Variants in UAP1 observed in about 807,000 individuals in gnomAD.
UAP1 encodes the protein UDP-N-acetylhexosamine pyrophosphorylase.
UAP1 carries 25 observed loss-of-function variants against 58.5 expected under a neutral mutation model. That is an observed-to-expected ratio of 0.43 (90% CI 0.31 to 0.60). The LOEUF (loss-of-function observed/expected upper bound fraction) is 0.60, where lower values mean the gene tolerates loss of function less well. Among genes scored for constraint, UAP1 ranks in the 20% least tolerant of loss-of-function variants. The pLI is 0.11. For synonymous variants in UAP1, 208 were observed against 213.0 expected (o/e 0.98, Z 0.21); for missense variants, 575 against 630.0 (o/e 0.91, Z 0.93).
At chr1:162,577,941 TTC>T (rs1416502681) in intron 3 of UAP1, among the ~76,000 whole-genome samples, 37 of 151,606 alleles carry the variant, frequency 2.4e-4, no homozygotes, top group African/African-American at 9.0e-4. Flanking sequence ...AGAGACAGGG[TTC>T]TGGTCTCAAA....
rs758345601 is a variant in UAP1 at position 162,587,611 on chromosome 1, A to G, written c.971A>G (p.Asn324Ser). ...AGCTCAGACGGACGACTGCTGTTCA[A>G]TGCGGGGAACATTGCCAACCATTTC... The change falls in exon 6 of 11, where the codon AAT becomes AGT. Residue 324 changes from asparagine (N) to serine (S), a missense_variant. Transcript: ENST00000271469. 2.6e-5 allele frequency: 42 copies of G among 1,614,024 alleles called. No individual in the cohort carries two copies. The East Asian group carries it at 2.7e-4, about 10-fold the overall frequency.
At chr1:162,587,765 C>G in intron 6 of UAP1, 97 bp downstream of exon 6, 1 of 1,151,832 alleles carries the variant, frequency 8.7e-7, no homozygotes, top group South Asian at 1.6e-5. Flanking sequence ...CCATATCCCA[C>G]AGAATTCATC....
exon 4 of UAP1, chr1:162,579,490 A>C: frequency 6.2e-7 from 1 of 1,612,138 alleles, no homozygotes; most frequent in South Asian, 1.1e-5. Flanking sequence ...AAGCACAAGT[A>C]CTTTGGTTTA....
At chr1:162,591,652 A>G (rs1655317015) in intron 8 of UAP1, among the ~76,000 whole-genome samples, 1 of 151,974 alleles carries the variant, frequency 6.6e-6, no homozygotes, top group Admixed American at 6.6e-5. Flanking sequence ...AGCCCAGCTA[A>G]TTTTTGTATT....
chr1:162,577,680 C>T (rs758108618), intron 3 of UAP1, among the ~76,000 whole-genome samples: 13 of 151,492 alleles, frequency 8.6e-5, no homozygotes, highest in Non-Finnish European at 1.5e-4. Flanking sequence ...GGCGCGATTT[C>T]GGCCCACTGC....
intron 9 of UAP1, among the ~76,000 whole-genome samples, chr1:162,595,115 T>C (rs1180142061): frequency 6.6e-6 from 1 of 152,238 alleles, no homozygotes; most frequent in African/African-American, 2.4e-5. Context: ...GGCTAAAGAA[T>C]TGTGGGGCAG....
chr1:162,563,347 A>G (rs1433122167), intron 1 of UAP1, among the ~76,000 whole-genome samples: 1 of 152,070 alleles, frequency 6.6e-6, no homozygotes, highest in Non-Finnish European at 1.5e-5. Context: ...AGTTTAACCT[A>G]TGAGGTACCC....
chr1:162,599,370 T>C (rs763677417), exon 11 of UAP1: 75 of 1,597,182 alleles, frequency 4.7e-5, no homozygotes, highest in Non-Finnish European at 6.3e-5. Flanking sequence ...TTGAACCAGA[T>C]ACCAAGTTTT....
intron 5 of UAP1, among the ~76,000 whole-genome samples, chr1:162,582,745 G>T (rs890549012): frequency 6.6e-6 from 1 of 152,160 alleles, no homozygotes. Flanking sequence ...AAATTATTTT[G>T]AAATATCTGT....
At chr1:162,565,937 A>G in intron 1 of UAP1, 75 bp from the exon 2 acceptor site, 1 of 910,340 alleles carries the variant, frequency 1.1e-6, no homozygotes. Flanking sequence ...AAATATTCTT[A>G]TTTTTAGAGG....
chr1:162,582,310 G>A (rs1397115189), intron 5 of UAP1, among the ~76,000 whole-genome samples: 1 of 152,070 alleles, frequency 6.6e-6, no homozygotes, highest in Non-Finnish European at 1.5e-5. Flanking sequence ...CCAGGAAAAT[G>A]TTGAAAAAGG....
In UAP1 at chr1:162,573,270, A is replaced by G. The variant is rs550269845; in HGVS notation, c.281-3507A>G. ...TTTAGGATGGTGGGTAAGACAGACT[A>G]AAAAAAAAAGGCAGCACAACCTCTG... On this transcript the variant is annotated intron_variant, in intron 2 of 10. Transcript: ENST00000271469. 9.5e-5 allele frequency among the ~76,000 whole-genome samples: 14 copies of G among 147,020 alleles called. No individual in the cohort carries two copies. In the South Asian group the frequency reaches 1.7e-3, roughly 18 times the overall value.
chr1:162,577,432 TC>T (rs1654260373), intron 3 of UAP1, among the ~76,000 whole-genome samples: 4 of 139,408 alleles, frequency 2.9e-5, no homozygotes, highest in Non-Finnish European at 4.6e-5. Flanking sequence ...GTTAGTTCCT[TC>T]CCTTTTTTTT....
At chr1:162,586,029 AC>A (rs889123388) in intron 5 of UAP1, among the ~76,000 whole-genome samples, 17 of 152,164 alleles carry the variant, frequency 1.1e-4, no homozygotes, top group African/African-American at 4.1e-4. Flanking sequence ...CAAACAGTGA[AC>A]CACACAACAG....
At chr1:162,593,192 TC>T (rs1379903307) in intron 9 of UAP1, 1 of 174,984 alleles carries the variant, frequency 5.7e-6, no homozygotes, top group African/African-American at 2.4e-5. Context: ...GGCTGATTGT[TC>T]CTGTCATATT....
intron 7 of UAP1, among the ~76,000 whole-genome samples, 185 bp from the exon 8 acceptor site, chr1:162,590,138 T>C (rs1407009608): frequency 1.3e-5 from 2 of 152,052 alleles, no homozygotes; most frequent in African/African-American, 4.8e-5. Flanking sequence ...GGAAATGATT[T>C]CTCATTTTGC....
chr1:162,600,252 T>C (rs867100046), downstream of UAP1, among the ~76,000 whole-genome samples: 7 of 152,216 alleles, frequency 4.6e-5, no homozygotes, highest in African/African-American at 1.7e-4. Flanking sequence ...TTTACTCTGT[T>C]TTGCCCAAAT....
At chr1:162,593,042 T>C in intron 9 of UAP1, 1 of 516,320 alleles carries the variant, frequency 1.9e-6, no homozygotes, top group Non-Finnish European at 3.5e-6. Flanking sequence ...CTGACAGATT[T>C]TCAGATGATA....
chr1:162,580,898 A>G (rs78219382), intron 4 of UAP1, among the ~76,000 whole-genome samples: 1,611 of 152,310 alleles, frequency 0.011, 23 homozygotes, highest in African/African-American at 0.037. Context: ...AATTGTCAGC[A>G]TTGGGGTTAT....
Sources: allele counts gnomAD v4.1 joint callset (sites outside exome capture counted in the v4.1 genomes callset), GRCh38; gene constraint gnomAD v4.1.1; transcripts MANE v1.5; gene names NCBI Gene and HGNC (gene_info 2026-07-23, HGNC 2026-07-21).